Variants in SETD5 observed in about 807,000 individuals in gnomAD.
SETD5 encodes the protein SET domain containing 5, also known as histone-lysine N-methyltransferase SETD5.
In SETD5, 44 loss-of-function variants were observed where a neutral mutation model predicts 153.3. That is an observed-to-expected ratio of 0.29 (90% CI 0.23 to 0.37). The LOEUF is 0.37. SETD5 is among the 10% of genes least tolerant of loss of function. The pLI is 1.00. For missense variants in SETD5, 1,544 were observed against 1,768.0 expected (o/e 0.87, Z 2.27); for synonymous variants, 716 against 645.2 (o/e 1.11, Z -1.66).
chr3:9,470,498 T>C lies in SETD5; in HGVS notation c.2764T>C (p.Tyr922His), dbSNP rs774713765. ...RKDLDLAKVG[Y>H]LDSNTNSCAD... is the part of the protein sequence containing the mutation. ...AGACCTGGATTTGGCAAAAGTAGGA[T>C]ACCTTGACTCCAACACTAACAGCTG... is the stretch of plus-strand genomic sequence containing the variant. The change falls in exon 19 of 23, where the codon TAC becomes CAC. Residue 922 changes from tyrosine to histidine, a missense_variant. Tyr to His is a moderately conservative substitution (Grantham distance 83, BLOSUM62 2). Around this residue, in one of 9 missense-constraint regions of SETD5, gnomAD observed 782 missense variants for 787.2 expected, o/e 0.99. Transcript: ENST00000402198. 3.1e-6 allele frequency: 5 copies of C among 1,613,506 alleles called. No individual in the cohort carries two copies. The highest frequency in any genetic ancestry group is 3.3e-5 in the Admixed American group (2 of 59,980).
chr3:9,405,178 A>G (rs1397152632), intron 1 of SETD5, among the ~76,000 whole-genome samples: 1 of 152,202 alleles, frequency 6.6e-6, no homozygotes, highest in Non-Finnish European at 1.5e-5. Flanking sequence ...TCTCAGCCTT[A>G]CAGAAAGAAA....
chr3:9,422,450 A>C (rs1436949392), intron 1 of SETD5, among the ~76,000 whole-genome samples: 2 of 152,252 alleles, frequency 1.3e-5, no homozygotes, highest in African/African-American at 2.4e-5. Context: ...GATAGATTTC[A>C]GAGCAGTTTT....
At position 9,442,257 on chromosome 3, in the gene SETD5, G is replaced by C; in HGVS notation, c.1077+12G>C. On this transcript the variant is annotated intron_variant, in intron 10 of 22. Coordinates refer to ENST00000402198, the MANE Select transcript of SETD5 (RefSeq NM_001080517.3). ...CACCAAATGCAGAGGTAAGATATCT[G>C]TAGCAACTTCCCTTTGACTGGAACC... The C allele has an allele frequency of 6.4e-7, 1 of 1,559,352 alleles. No homozygotes were observed.
At chr3:9,402,635 A>C (rs956453250) in intron 1 of SETD5, among the ~76,000 whole-genome samples, 1 of 152,176 alleles carries the variant, frequency 6.6e-6, no homozygotes, top group Non-Finnish European at 1.5e-5. Context: ...TCGTTGTGGT[A>C]TAAGGATTCC....
intron 1 of SETD5, among the ~76,000 whole-genome samples, chr3:9,420,406 C>T (rs1220893492): frequency 1.3e-5 from 2 of 151,652 alleles, no homozygotes; most frequent in Non-Finnish European, 2.9e-5. Flanking sequence ...GATTTTTTTT[C>T]AGTTGTCTTT....
chr3:9,436,944 G>C, intron 7 of SETD5: 3 of 1,487,630 alleles, frequency 2.0e-6, no homozygotes, highest in Non-Finnish European at 2.7e-6. Flanking sequence ...CTTGCATTTT[G>C]GTCAGCTTCT....
rs1167825338 is a variant in SETD5 at position 9,475,631 on chromosome 3, C to T, written c.3869C>T (p.Ser1290Leu). The T allele has an allele frequency of 6.2e-7, 1 of 1,614,010 alleles. No homozygotes were observed. The highest frequency in any genetic ancestry group is 1.1e-5 in the South Asian group (1 of 91,086). The change falls in exon 23 of 23, where the codon TCA becomes TTA. Residue 1290 changes from serine (S) to leucine (L), a missense_variant. Physicochemically the swap from Ser to Leu is moderately radical, Grantham distance 145 (BLOSUM62 -2). This residue lies in a region of SETD5 where 302 missense variants were observed against 277.6 expected (regional missense o/e 1.09). Coordinates refer to ENST00000402198, the MANE Select transcript of SETD5 (RefSeq NM_001080517.3). ...GGAAACCCCCCCTCTCACGGTTCTTCAGAATCATCCCTCTCTTCCACGTCC... is the reference window on the plus strand; with the variant it reads ...GGAAACCCCCCCTCTCACGGTTCTTTAGAATCATCCCTCTCTTCCACGTCC... ...RPGNPPSHGS[S>L]ESSLSSTSYS...
chr3:9,398,958 C>CTT (rs2034265001), intron 1 of SETD5, among the ~76,000 whole-genome samples: 1 of 152,178 alleles, frequency 6.6e-6, no homozygotes, highest in African/African-American at 2.4e-5. Context: ...GCATTTTCTG[C>CTT]TTTCTCATGT....
chr3:9,432,512 A>T (rs186655243), intron 3 of SETD5, among the ~76,000 whole-genome samples: 2 of 152,188 alleles, frequency 1.3e-5, no homozygotes, highest in African/African-American at 4.8e-5. Flanking sequence ...ATTAATCTCT[A>T]AGTTAGAGTT....
intron 3 of SETD5, chr3:9,430,310 A>C (rs965798448): frequency 1.0e-6 from 1 of 982,636 alleles, no homozygotes; most frequent in African/African-American, 1.7e-5. Context: ...AATAGTATAT[A>C]ATATTCTGGG....
rs776767453 is a variant in SETD5 at position 9,447,871 on chromosome 3, A to T, written c.1968A>T (p.Leu656Phe). Residue 656 changes from leucine (L) to phenylalanine (F), a missense_variant, in exon 15 of 23, where the codon TTA becomes TTT. Leu to Phe is a conservative substitution (Grantham distance 22). This residue lies in a region of SETD5 where 782 missense variants were observed against 787.2 expected (regional missense o/e 0.99). Transcript: ENST00000402198. ...TGGAAGAGGGAGGAAGTAACAGTTT[A>T]GTAACTCCTACTGAAGCTGGAAGTC... The part of the protein sequence containing the change: ...AALEEGGSNS[L>F]VTPTEAGSLD... The T allele has an allele frequency of 6.2e-7, 1 of 1,614,036 alleles. No homozygotes were observed. The highest frequency in any genetic ancestry group is 1.7e-5 in the Admixed American group (1 of 60,030).
At chr3:9,468,936 TAATA>T (rs771753114) in intron 18 of SETD5, among the ~76,000 whole-genome samples, 8 of 152,158 alleles carry the variant, frequency 5.3e-5, no homozygotes, top group Non-Finnish European at 1.2e-4. Flanking sequence ...AAAGAAAGGC[TAATA>T]AATCAGGAAA....
chr3:9,467,274 G>A (rs771746132), intron 18 of SETD5, among the ~76,000 whole-genome samples: 2 of 146,422 alleles, frequency 1.4e-5, no homozygotes, highest in Non-Finnish European at 3.0e-5. Context: ...AAGGAAAAAA[G>A]CATTCAGGAA....
chr3:9,459,056 A>G lies in SETD5; in HGVS notation c.2476+5188A>G, dbSNP rs372843665. ...AGGATTCGACAAACTCTTGGAAAAT[A>G]TTTTCTGCATCCTGCTGGTTGTGGA... On this transcript the variant is annotated intron_variant, in intron 17 of 22. Coordinates refer to ENST00000402198, the MANE Select transcript of SETD5 (RefSeq NM_001080517.3). Among the ~76,000 whole-genome samples the G allele has an allele frequency of 1.9e-4, 29 of 152,160 alleles. 1 individual carries two copies. The South Asian group carries it at 5.8e-3, about 30-fold the overall frequency.
At chr3:9,398,487 T>C (rs886543095) in intron 1 of SETD5, 1 of 152,202 alleles carries the variant, frequency 6.6e-6, no homozygotes, top group African/African-American at 2.4e-5. Context: ...TTTTCTGGCT[T>C]CCCACCTCAG....
chr3:9,474,631 G>A (rs377750224), intron 21 of SETD5, 49 bp downstream of exon 21: 38 of 1,606,714 alleles, frequency 2.4e-5, no homozygotes, highest in African/African-American at 2.3e-4. Context: ...CACATGAGCC[G>A]AGTCCTGTAC....
At chr3:9,408,266 C>G (rs1425771529) in intron 1 of SETD5, among the ~76,000 whole-genome samples, 2 of 152,192 alleles carry the variant, frequency 1.3e-5, no homozygotes, top group African/African-American at 4.8e-5. Context: ...GTTGACCTCT[C>G]TGAACCCCCA....
chr3:9,476,297 T>A lies in SETD5; in HGVS notation c.*206T>A. 1.5e-6 allele frequency: 1 copy of A among 654,072 alleles called. No individual in the cohort carries two copies. Among genetic ancestry groups the A allele is most frequent in the South Asian group, 2.1e-5 (1 of 47,388 alleles). 40.5% of individuals were successfully genotyped at this position (654,072 alleles called of 1,614,324 possible). Reference sequence around the variant, plus strand: ...TGTAAATCTTGTCTGAAGCAGAGACTATAAAGAAGTTTCTCCCTGCTGTCA... The same window carrying A: ...TGTAAATCTTGTCTGAAGCAGAGACAATAAAGAAGTTTCTCCCTGCTGTCA... On this transcript the variant is annotated 3_prime_UTR_variant, in exon 23 of 23. Transcript: ENST00000402198.
At chr3:9,421,931 C>T (rs2038473105) in intron 1 of SETD5, among the ~76,000 whole-genome samples, 1 of 151,832 alleles carries the variant, frequency 6.6e-6, no homozygotes, top group Admixed American at 6.6e-5. Flanking sequence ...TCATGAATCC[C>T]AGTTTAAGGG....
Sources: gnomAD v4.1 joint callset for allele counts (sites outside exome capture counted in the v4.1 genomes callset) on GRCh38, gnomAD v4.1.1 for gene constraint, gnomAD v4.1.1 regional missense constraint, MANE v1.5 for transcripts, NCBI Gene and HGNC (gene_info 2026-07-23, HGNC 2026-07-21) for gene names.